The following ANKRD52 variants were observed in gnomAD, a reference collection of about 807,000 sequenced individuals.
ANKRD52 encodes serine/threonine-protein phosphatase 6 regulatory ankyrin repeat subunit C.
ANKRD52 carries 7 observed loss-of-function variants against 116.0 expected under a neutral mutation model. The ratio of observed to expected loss-of-function variants is 0.06; its 90% CI spans 0.03 to 0.11. The LOEUF (loss-of-function observed/expected upper bound fraction) is 0.11. Among genes scored for constraint, ANKRD52 ranks in the 10% least tolerant of loss-of-function variants. The pLI is 1.00. For synonymous variants in ANKRD52, 528 were observed against 578.1 expected, an observed-to-expected ratio of 0.91 and a Z score of 1.24; for missense variants, 839 against 1,408.6, an observed-to-expected ratio of 0.60 and a Z score of 6.47.
Position 56,244,350 on chromosome 12 carries a change from T to C in ANKRD52, c.2805+3A>G. On this transcript the variant is annotated splice_donor_region_variant and intron_variant, in intron 25 of 27. Transcript: ENST00000267116. This position sits in a 1 kb window ranked among gnomAD's most constrained non-coding sequence, Gnocchi z 4.9. ...CAGTCCCCCAATCACTTCAGGTAAG[T>C]ACCTTGCTACAAGCCAAGTGGAGGG... The C allele has an allele frequency of 6.2e-7, 1 of 1,613,844 alleles. No homozygotes were observed. Among genetic ancestry groups the C allele is most frequent in the Non-Finnish European group, 8.5e-7 (1 of 1,179,806 alleles).
At position 56,245,578 on chromosome 12, in the gene ANKRD52, C is replaced by T. The variant is rs1871359008; in HGVS notation, c.2203G>A (p.Asp735Asn). The change falls in exon 21 of 28, where the codon GAC (aspartate) becomes AAC (asparagine). Residue 735 changes from aspartate (D) to asparagine (N), a missense_variant. Physicochemically the swap from Asp to Asn is conservative, Grantham distance 23. This residue lies in a region of ANKRD52 where 552 missense variants were observed against 810.6 expected (regional missense o/e 0.68). Transcript: ENST00000267116. ...LHRGAVTGCE[D>N]CLAALLDHDA... is the part of the protein sequence containing the mutation. The stretch of plus-strand genomic sequence containing the variant: ...TGGTCCAGCAGGGCAGCCAGGCAGT[C>T]CTCACAGCCAGTCACTGCCTGTGAG... 2.5e-6 allele frequency: 4 copies of T among 1,605,164 alleles called. No individual in the cohort carries two copies. Among genetic ancestry groups the T allele is most frequent in the East Asian group, 2.2e-5 (1 of 44,824 alleles).
At position 56,242,206 on chromosome 12, in the gene ANKRD52, C is replaced by T; in HGVS notation, c.*936G>A. ...AAACACATGCCTGAAACACAGTGGACATACTAGGGCTGTGGTTTTGAAATG... is the reference window on the plus strand; with the variant it reads ...AAACACATGCCTGAAACACAGTGGATATACTAGGGCTGTGGTTTTGAAATG... On this transcript the variant is annotated 3_prime_UTR_variant, in exon 28 of 28. Coordinates refer to ENST00000267116, the MANE Select transcript of ANKRD52 (RefSeq NM_173595.4). This position sits in a 1 kb window ranked among gnomAD's most constrained non-coding sequence, Gnocchi z 4.3. 2.5e-6 allele frequency: 1 copy of T among 398,590 alleles called. No homozygotes were observed. Among genetic ancestry groups the T allele is most frequent in the Non-Finnish European group, 4.4e-6 (1 of 226,066 alleles). The allele number at this position is 398,590 out of a possible 1,614,324, so 24.7% of individuals were successfully genotyped here.
At chr12:56,251,975 T>G (rs373535750) in intron 15 of ANKRD52, 40 bp downstream of exon 15, 64 of 1,596,788 alleles carry the variant, frequency 4.0e-5, no homozygotes, top group Middle Eastern at 2.2e-4. Flanking sequence ...CTTGCATGGG[T>G]TGGGGAAAGC....
Position 56,244,448 on chromosome 12 carries a change from T to C in ANKRD52, c.2723-13A>G, listed in dbSNP as rs1871302412. ...TACAGCAGAAATTCTACGAGAGAAA[T>C]GTGATAGAGGGACTGACCCCTCCCT... On this transcript the variant is annotated splice_polypyrimidine_tract_variant and intron_variant, in intron 24 of 27. Transcript: ENST00000267116. The surrounding 1 kb of genome is among the most constrained non-coding windows in gnomAD (Gnocchi z 4.9). 20 of 1,613,546 alleles carry C rather than the reference T, an allele frequency of 1.2e-5. No homozygotes were observed. Among genetic ancestry groups the C allele is most frequent in the East Asian group, 2.2e-5 (1 of 44,862 alleles).
In ANKRD52 at chr12:56,254,341, G is replaced by T; in HGVS notation, c.694-62C>A. On this transcript the variant is annotated intron_variant, in intron 7 of 27. Transcript: ENST00000267116. This position sits in a 1 kb window ranked among gnomAD's most constrained non-coding sequence, Gnocchi z 4.6. The stretch of plus-strand genomic sequence containing the variant: ...TTAAACAAAGTAGAAGCCAGCACAT[G>T]TAGCCTCCAGATCCCAGAAATCCAA... The T allele has an allele frequency of 6.5e-7, 1 of 1,546,556 alleles. No homozygotes were observed. The highest frequency in any genetic ancestry group is 8.9e-7 in the Non-Finnish European group (1 of 1,129,144).
At position 56,253,148 on chromosome 12, in the gene ANKRD52, G is replaced by A; in HGVS notation, c.1101-62C>T. Reference sequence around the variant, plus strand: ...GGAGGGACCAAGTAAGACCTCTTCTGTGACCTACCACCACCCTAGAGTCAG... The same window carrying A: ...GGAGGGACCAAGTAAGACCTCTTCTATGACCTACCACCACCCTAGAGTCAG... On this transcript the variant is annotated intron_variant, in intron 10 of 27. Transcript: ENST00000267116. This position sits in a 1 kb window ranked among gnomAD's most constrained non-coding sequence, Gnocchi z 5.5. The A allele has an allele frequency of 1.4e-6, 2 of 1,469,054 alleles. No homozygotes were observed. The highest frequency in any genetic ancestry group is 1.4e-5 in the African/African-American group (1 of 71,466). 91.0% of individuals were successfully genotyped at this position (1,469,054 alleles called of 1,614,324 possible).
In ANKRD52 at chr12:56,248,035, G is replaced by C. The variant is rs764266612; in HGVS notation, c.1966C>G (p.Leu656Val). Residue 656 changes from leucine to valine, a missense_variant, in exon 18 of 28, where the codon CTG (leucine) becomes GTG (valine). Around this residue, in one of 2 missense-constraint regions of ANKRD52, gnomAD observed 552 missense variants for 810.6 expected, o/e 0.68. Transcript: ENST00000267116. The surrounding 1 kb of genome is among the most constrained non-coding windows in gnomAD (Gnocchi z 5.1). ...AGTGGGCACTAACCAGCAGCGTGCA[G>C]GGGTGTCCACTTGCGCTTGCGCTCC... ...IKERKRKWTP[L>V]HAAAASGHTD... The C allele has an allele frequency of 1.2e-6, 2 of 1,604,052 alleles. No homozygotes were observed. The highest frequency in any genetic ancestry group is 1.1e-5 in the South Asian group (1 of 90,778).
intron 4 of ANKRD52, among the ~76,000 whole-genome samples, chr12:56,256,759 T>TC (rs1171087223): frequency 6.6e-6 from 1 of 152,038 alleles, no homozygotes; most frequent in Non-Finnish European, 1.5e-5. Flanking sequence ...GAGGGATGAG[T>TC]CACTCAGGCC....
intron 20 of ANKRD52, among the ~76,000 whole-genome samples, chr12:56,246,491 T>C (rs1191586499): frequency 2.0e-5 from 3 of 152,018 alleles, no homozygotes; most frequent in Admixed American, 1.3e-4. Context: ...AAAAATCTTA[T>C]GGGAGGAGGA....
chr12:56,245,730 T>TC, intron 20 of ANKRD52, 134 bp from the exon 21 acceptor site: 1 of 788,582 alleles, frequency 1.3e-6, no homozygotes, highest in Non-Finnish European at 1.9e-6. Context: ...TTTTTTTTTT[T>TC]TGGAGTCGGA....
chr12:56,247,541 G>A lies in ANKRD52; in HGVS notation c.2136C>T (p.Ser712=), dbSNP rs778956154. 16 of 1,596,484 alleles carry A rather than the reference G, an allele frequency of 1.0e-5. No homozygotes were observed. In the African/African-American group the frequency reaches 1.5e-4, roughly 15 times the overall value. The change falls in exon 20 of 28, where the codon TCC becomes TCT. Residue 712 remains serine, a synonymous_variant. Transcript: ENST00000267116. ...CCCGGAGGTCAGCAGCATCAGCTGT[G>A]GATCCTTTCTCTAGCAGCAGATGTA... is the stretch of plus-strand genomic sequence containing the variant. ...DCVHLLLEKG[S]TADAADLRGR...
rs756714374 is a variant in ANKRD52, at chr12:56,248,746, C to T, written c.1704+13G>A. On this transcript the variant is annotated intron_variant, in intron 16 of 27. Transcript: ENST00000267116. The surrounding 1 kb of genome is among the most constrained non-coding windows in gnomAD (Gnocchi z 5.1). ...CCTGCCTCCCCTCCTGCAGGCCGGG[C>T]CCCAACACATACCAGTTCGAGGTTC... 1 of 1,599,428 alleles carries T rather than the reference C, an allele frequency of 6.3e-7. No homozygotes were observed.
rs1871848589 is a variant in ANKRD52 at position 56,254,450 on chromosome 12, C to G, written c.693+128G>C. 1 of 1,472,624 alleles carries G rather than the reference C, an allele frequency of 6.8e-7. No homozygotes were observed. Among genetic ancestry groups the G allele is most frequent in the Non-Finnish European group, 9.1e-7 (1 of 1,094,956 alleles). The allele number at this position is 1,472,624 out of a possible 1,614,324, so 91.2% of individuals were successfully genotyped here. ...ATGGCTAAGGTAAGCATTATTCAGA[C>G]CCTCTCTACCACGTCCTTCCAACTT... On this transcript the variant is annotated intron_variant, in intron 7 of 27. Coordinates refer to ENST00000267116, the MANE Select transcript of ANKRD52 (RefSeq NM_173595.4). The surrounding 1 kb of genome is among the most constrained non-coding windows in gnomAD (Gnocchi z 4.6).
Position 56,252,994 on chromosome 12 carries a change from C to G in ANKRD52, c.1183+10G>C, listed in dbSNP as rs1302862182. 6.3e-7 allele frequency: 1 copy of G among 1,584,564 alleles called. No homozygotes were observed. Among genetic ancestry groups the G allele is most frequent in the Non-Finnish European group, 8.6e-7 (1 of 1,165,466 alleles). Reference sequence around the variant, plus strand: ...ATACACCTGCCAATCCCCAGCCCATCAGCACATACCTGAGGAAAGAAGCTT... The same window carrying G: ...ATACACCTGCCAATCCCCAGCCCATGAGCACATACCTGAGGAAAGAAGCTT... On this transcript the variant is annotated intron_variant, in intron 11 of 27. Transcript: ENST00000267116. This position sits in a 1 kb window ranked among gnomAD's most constrained non-coding sequence, Gnocchi z 4.7.
At position 56,255,539 on chromosome 12, in the gene ANKRD52, T is replaced by A. The variant is rs1871910124; in HGVS notation, c.462+245A>T. Among the ~76,000 whole-genome samples, 1 of 152,252 alleles carries A rather than the reference T, an allele frequency of 6.6e-6. No individual in the cohort carries two copies. Among genetic ancestry groups the A allele is most frequent in the Non-Finnish European group, 1.5e-5 (1 of 68,048 alleles). ...TGCAAATGTGCTGAAAGACATGGACTCTCTTCAGAAAGGCGTGTATGCAAA... is the reference window on the plus strand; with the variant it reads ...TGCAAATGTGCTGAAAGACATGGACACTCTTCAGAAAGGCGTGTATGCAAA... On this transcript the variant is annotated intron_variant, in intron 5 of 27. Coordinates refer to ENST00000267116, the MANE Select transcript of ANKRD52 (RefSeq NM_173595.4). This position sits in a 1 kb window ranked among gnomAD's most constrained non-coding sequence, Gnocchi z 4.3.
rs1229149543 is a variant in ANKRD52, at chr12:56,243,917, C to A, written c.2889-41G>T. On this transcript the variant is annotated intron_variant, in intron 26 of 27. Coordinates refer to ENST00000267116, the MANE Select transcript of ANKRD52 (RefSeq NM_173595.4). The surrounding 1 kb of genome is among the most constrained non-coding windows in gnomAD (Gnocchi z 4.6). Reference sequence around the variant, plus strand: ...AAAGAAGGAGCTTGATGCTAAGCTGCCCTTCCACCTCCAGACAGGGTGGCA... The same window carrying A: ...AAAGAAGGAGCTTGATGCTAAGCTGACCTTCCACCTCCAGACAGGGTGGCA... 2 of 1,591,832 alleles carry A rather than the reference C, an allele frequency of 1.3e-6. No individual in the cohort carries two copies. The highest frequency in any genetic ancestry group is 1.7e-6 in the Non-Finnish European group (2 of 1,168,536).
Position 56,254,854 on chromosome 12 carries a change from T to C in ANKRD52, c.550+11A>G. On this transcript the variant is annotated intron_variant, in intron 6 of 27. Transcript: ENST00000267116. This position sits in a 1 kb window ranked among gnomAD's most constrained non-coding sequence, Gnocchi z 4.6. ...GTCAAATTTCTGATTTTCCCGTGTA[T>C]TCTCTCTCACCTAGAAAAGCTGCCC... 6.2e-7 allele frequency: 1 copy of C among 1,611,366 alleles called. No individual in the cohort carries two copies. Among genetic ancestry groups the C allele is most frequent in the Non-Finnish European group, 8.5e-7 (1 of 1,177,602 alleles).
rs934153244 is a variant in ANKRD52 at position 56,245,446 on chromosome 12, A to G, written c.2335T>C (p.Ser779Pro). ...VLRTLLQAAL[S>P]TDPLDAGVDY... is the part of the protein sequence containing the mutation. The stretch of plus-strand genomic sequence containing the variant: ...ACCCCGGCATCCAGGGGATCTGTGG[A>G]AAGGGCAGCCTGCAGCAGGGTCCGC... Residue 779 changes from serine (S) to proline (P), a missense_variant, in exon 21 of 28, where the codon TCC becomes CCC. Coordinates refer to ENST00000267116, the MANE Select transcript of ANKRD52 (RefSeq NM_173595.4). 2 of 1,612,892 alleles carry G rather than the reference A, an allele frequency of 1.2e-6. No homozygotes were observed. The highest frequency in any genetic ancestry group is 2.7e-5 in the African/African-American group (2 of 74,974).
intron 15 of ANKRD52, among the ~76,000 whole-genome samples, chr12:56,251,812 C>G (rs1490159300): frequency 1.3e-5 from 2 of 150,300 alleles, no homozygotes; most frequent in African/African-American, 4.9e-5. Context: ...TTTTTTTTTC[C>G]CCCTGAAGCT....
Sources: allele counts gnomAD v4.1 joint callset (sites outside exome capture counted in the v4.1 genomes callset), GRCh38; gene constraint gnomAD v4.1.1; regional missense constraint gnomAD v4.1.1; non-coding constraint Gnocchi (gnomAD v3.1); transcripts MANE v1.5; gene names NCBI Gene and HGNC (gene_info 2026-07-23, HGNC 2026-07-21).